Variants in NLGN1 observed in about 807,000 individuals in gnomAD.
The protein encoded by NLGN1 is neuroligin-1.
A neutral mutation model predicts 65.5 loss-of-function variants in NLGN1; 12 were observed. That is an observed-to-expected ratio of 0.18 (90% CI 0.12 to 0.30). The LOEUF is 0.30. Ranked by LOEUF, NLGN1 falls within the 10% of genes least tolerant of loss-of-function variation. The pLI is 1.00. For missense variants in NLGN1, 750 were observed against 1,007.1 expected, an observed-to-expected ratio of 0.74 and a Z score of 3.46; for synonymous variants, 350 against 359.5, an observed-to-expected ratio of 0.97 and a Z score of 0.30.
intron 4 of NLGN1, among the ~76,000 whole-genome samples, chr3:174,186,179 A>T (rs1731361395): frequency 6.6e-6 from 1 of 152,112 alleles, no homozygotes; most frequent in Admixed American, 6.6e-5. Context: ...TCATGTGTGC[A>T]TTTATGCCTT....
At chr3:173,748,754 A>G (rs954745330) in intron 3 of NLGN1, among the ~76,000 whole-genome samples, 1 of 152,094 alleles carries the variant, frequency 6.6e-6, no homozygotes, top group African/African-American at 2.4e-5. Context: ...CTTATCTATC[A>G]GTTTGGAAGA....
intron 4 of NLGN1, among the ~76,000 whole-genome samples, chr3:174,008,689 C>T (rs1299947682): frequency 1.3e-5 from 2 of 152,002 alleles, no homozygotes; most frequent in African/African-American, 4.8e-5. Context: ...GAGAAGTGCA[C>T]ATTAATGTAT....
At chr3:173,455,679 C>T (rs1452002781) in intron 2 of NLGN1, among the ~76,000 whole-genome samples, 1 of 151,700 alleles carries the variant, frequency 6.6e-6, no homozygotes, top group Non-Finnish European at 1.5e-5. Flanking sequence ...ATAAAGCAAA[C>T]AACAATAAAA....
At chr3:173,863,625 A>G (rs930879807) in intron 4 of NLGN1, among the ~76,000 whole-genome samples, 4 of 152,212 alleles carry the variant, frequency 2.6e-5, no homozygotes, top group Admixed American at 2.6e-4. Flanking sequence ...GGATGTGCAC[A>G]TGGACTAACT....
At chr3:174,285,380 A>G (rs1319785180) in exon 7 of NLGN1, 2 of 151,534 alleles carry the variant, frequency 1.3e-5, no homozygotes, top group East Asian at 3.9e-4. Context: ...TTGTGAAAAC[A>G]TGCTTCCAAA....
At chr3:173,697,281 G>T (rs1766367523) in intron 3 of NLGN1, among the ~76,000 whole-genome samples, 1 of 152,072 alleles carries the variant, frequency 6.6e-6, no homozygotes, top group Non-Finnish European at 1.5e-5. Flanking sequence ...CAGGACTCAA[G>T]TTTATTTATT....
chr3:173,623,273 CA>C (rs1012595345), intron 3 of NLGN1, among the ~76,000 whole-genome samples: 1 of 150,956 alleles, frequency 6.6e-6, no homozygotes, highest in Non-Finnish European at 1.5e-5. Context: ...CTGACTGTGT[CA>C]AGGAGTTCAG....
At chr3:174,067,654 A>G (rs1212214564) in intron 4 of NLGN1, among the ~76,000 whole-genome samples, 1 of 152,122 alleles carries the variant, frequency 6.6e-6, no homozygotes, top group Non-Finnish European at 1.5e-5. Flanking sequence ...ATTTCATCGG[A>G]CAAAGTTTTC....
At chr3:174,173,923 C>T (rs767135714) in intron 4 of NLGN1, among the ~76,000 whole-genome samples, 1 of 151,932 alleles carries the variant, frequency 6.6e-6, no homozygotes, top group African/African-American at 2.4e-5. Context: ...GTGCACCCAT[C>T]ACCCAAGCAG....
At chr3:174,142,081 A>G (rs1475107817) in intron 4 of NLGN1, among the ~76,000 whole-genome samples, 1 of 152,124 alleles carries the variant, frequency 6.6e-6, no homozygotes, top group Non-Finnish European at 1.5e-5. Flanking sequence ...TTTTGTGTTT[A>G]TCACTTGCTT....
At chr3:173,513,154 C>A (rs1427058658) in intron 2 of NLGN1, among the ~76,000 whole-genome samples, 1 of 152,162 alleles carries the variant, frequency 6.6e-6, no homozygotes, top group Admixed American at 6.5e-5. Context: ...CTCCTGAGGG[C>A]AGACTTTGTT....
intron 4 of NLGN1, among the ~76,000 whole-genome samples, chr3:174,002,071 A>C (rs1723411111): frequency 6.7e-6 from 1 of 150,282 alleles, no homozygotes; most frequent in African/African-American, 2.4e-5. Flanking sequence ...AAAAAAAAAA[A>C]CAAGATTAGG....
intron 2 of NLGN1, among the ~76,000 whole-genome samples, chr3:173,590,581 A>G (rs114802673): frequency 0.01 from 1,583 of 152,272 alleles, 36 homozygotes; most frequent in African/African-American, 0.036. Flanking sequence ...CATAACTGGA[A>G]ATCAATAAAC....
At chr3:174,036,139 T>C (rs1731087860) in intron 4 of NLGN1, among the ~76,000 whole-genome samples, 3 of 152,180 alleles carry the variant, frequency 2.0e-5, no homozygotes, top group African/African-American at 7.2e-5. Context: ...ACTTTACATG[T>C]AAAATCTAGA....
At position 173,985,193 on chromosome 3, in the gene NLGN1, A is replaced by T. The variant is rs531257330; in HGVS notation, c.646+177361A>T. 2.6e-5 allele frequency among the ~76,000 whole-genome samples: 4 copies of T among 152,272 alleles called. No individual in the cohort carries two copies. In the East Asian group the frequency reaches 7.7e-4, roughly 29 times the overall value. On this transcript the variant is annotated intron_variant, in intron 4 of 6. Coordinates refer to ENST00000457714, the Ensembl canonical transcript of NLGN1. ...TTTGAAACTCCACTAGCACAATAACATTTCTCTGTCTTATTCACTGCTATA... is the reference window on the plus strand; with the variant it reads ...TTTGAAACTCCACTAGCACAATAACTTTTCTCTGTCTTATTCACTGCTATA...
intron 3 of NLGN1, among the ~76,000 whole-genome samples, chr3:173,804,003 G>A (rs1418845736): frequency 6.6e-6 from 1 of 152,106 alleles, no homozygotes; most frequent in Non-Finnish European, 1.5e-5. Context: ...GATCATTAAT[G>A]GAAGTTGTAA....
chr3:173,868,438 G>C (rs1409250629), intron 4 of NLGN1, among the ~76,000 whole-genome samples: 1 of 152,174 alleles, frequency 6.6e-6, no homozygotes, highest in East Asian at 1.9e-4. Context: ...TTGTGTGGTA[G>C]ATAATTGTTT....
chr3:173,693,265 A>AT (rs924359449), intron 3 of NLGN1, among the ~76,000 whole-genome samples: 4 of 151,652 alleles, frequency 2.6e-5, no homozygotes, highest in Non-Finnish European at 1.5e-5. Context: ...GAACACCAGA[A>AT]TTTTTTTTTA....
At chr3:173,960,284 G>T (rs1357940225) in intron 4 of NLGN1, among the ~76,000 whole-genome samples, 1 of 151,290 alleles carries the variant, frequency 6.6e-6, no homozygotes, top group Non-Finnish European at 1.5e-5. Flanking sequence ...TTATTTGTAG[G>T]GTTTTTTTGC....
Sources: gnomAD v4.1 joint callset for allele counts (sites outside exome capture counted in the v4.1 genomes callset) on GRCh38, gnomAD v4.1.1 for gene constraint, MANE v1.5 for transcripts, NCBI Gene and HGNC (gene_info 2026-07-23, HGNC 2026-07-21) for gene names.